SLC15A1: variants seen among roughly 807,000 people sequenced by gnomAD.
SLC15A1 encodes the protein solute carrier family 15 member 1.
In SLC15A1, 83 loss-of-function variants were observed where a neutral mutation model predicts 92.9. The observed-to-expected ratio is 0.89, with a 90% CI of 0.75 to 1.07. The LOEUF is 1.07. Among genes scored for constraint, SLC15A1 ranks in the 50% least tolerant of loss-of-function variants. The pLI is 0.00. For synonymous variants in SLC15A1, 322 were observed against 318.2 expected (o/e 1.01, Z -0.13); for missense variants, 857 against 880.1 (o/e 0.97, Z 0.33).
intron 16 of SLC15A1, among the ~76,000 whole-genome samples, chr13:98,705,362 T>C (rs1397687493): frequency 6.6e-6 from 1 of 152,078 alleles, no homozygotes; most frequent in African/African-American, 2.4e-5. Context: ...TGTGAACATT[T>C]GGGTCACGTA....
At position 98,750,933 on chromosome 13, in the gene SLC15A1, T is replaced by C. The variant is rs112180838; in HGVS notation, c.4+1662A>G. The stretch of plus-strand genomic sequence containing the variant: ...TGCCCAGCTAGTTTTTATATATTTT[T>C]AGTAGAGACGGGGGTCTTACCATGT... On this transcript the variant is annotated intron_variant, in intron 1 of 22. Coordinates refer to ENST00000376503, the MANE Select transcript of SLC15A1 (RefSeq NM_005073.4). 5.1e-3 allele frequency among the ~76,000 whole-genome samples: 775 copies of C among 152,110 alleles called. 5 individuals carry two copies. The highest frequency in any genetic ancestry group is 8.9e-3 in the Non-Finnish European group (603 of 67,992).
intron 1 of SLC15A1, among the ~76,000 whole-genome samples, chr13:98,747,139 G>A (rs959362759): frequency 6.6e-6 from 1 of 152,128 alleles, no homozygotes; most frequent in African/African-American, 2.4e-5. Flanking sequence ...AGGGACAAAG[G>A]TACAAAAGAG....
At chr13:98,717,493 T>C (rs1338903516) in intron 8 of SLC15A1, among the ~76,000 whole-genome samples, 2 of 152,194 alleles carry the variant, frequency 1.3e-5, no homozygotes, top group Non-Finnish European at 2.9e-5. Flanking sequence ...GAATGACTTG[T>C]ACAGATGAGA....
intron 1 of SLC15A1, among the ~76,000 whole-genome samples, chr13:98,741,520 G>A (rs1037132473): frequency 6.6e-6 from 1 of 152,148 alleles, no homozygotes; most frequent in African/African-American, 2.4e-5. Flanking sequence ...TGGATCACTT[G>A]AGGCCAGGAA....
At chr13:98,726,990 G>T in intron 1 of SLC15A1, 131 bp from the exon 2 acceptor site, 1 of 782,072 alleles carries the variant, frequency 1.3e-6, no homozygotes, top group Non-Finnish European at 2.2e-6. Flanking sequence ...AGCCCTCCCT[G>T]GGATCCCGGC....
chr13:98,732,335 GC>G (rs1294590751), intron 1 of SLC15A1, among the ~76,000 whole-genome samples: 1 of 152,132 alleles, frequency 6.6e-6, no homozygotes, highest in African/African-American at 2.4e-5. Flanking sequence ...CCAACACATT[GC>G]AATCACTGAA....
At chr13:98,720,399 G>A (rs977338889) in intron 7 of SLC15A1, 6 of 152,178 alleles carry the variant, frequency 3.9e-5, no homozygotes, top group Non-Finnish European at 8.8e-5. Flanking sequence ...TGAGCGAACA[G>A]GACACACGAA....
At chr13:98,714,059 G>GAAAA (rs56096468) in intron 9 of SLC15A1, among the ~76,000 whole-genome samples, 25 of 134,450 alleles carry the variant, frequency 1.9e-4, no homozygotes, top group Non-Finnish European at 3.5e-4. Flanking sequence ...TCTCAAAAAG[G>GAAAA]AAAAAAAAAA....
chr13:98,705,230 G>C (rs975075964), intron 16 of SLC15A1, among the ~76,000 whole-genome samples: 5 of 148,368 alleles, frequency 3.4e-5, no homozygotes, highest in Non-Finnish European at 7.4e-5. Flanking sequence ...GGGATCTCTG[G>C]GGCTGGGACC....
chr13:98,684,698 T>C lies in SLC15A1; in HGVS notation c.*26A>G. 1.2e-6 allele frequency: 2 copies of C among 1,606,272 alleles called. No individual in the cohort carries two copies. The highest frequency in any genetic ancestry group is 1.7e-6 in the Non-Finnish European group (2 of 1,173,890). On this transcript the variant is annotated 3_prime_UTR_variant, in exon 23 of 23. Coordinates refer to ENST00000376503, the MANE Select transcript of SLC15A1 (RefSeq NM_005073.4). ...GAGGTCAGGGCATCTGCGGGCCCAG[T>C]CCATCCTCCACTTGCCTCCTGACCT...
In SLC15A1 at chr13:98,706,174, G is replaced by T. The variant is rs764735798; in HGVS notation, c.1229C>A (p.Ser410Tyr). The T allele has an allele frequency of 2.5e-6, 4 of 1,613,264 alleles. No individual in the cohort carries two copies. The highest frequency in any genetic ancestry group is 1.7e-5 in the Admixed American group (1 of 59,952). Residue 410 changes from serine (S) to tyrosine (Y), a missense_variant, in exon 16 of 23, where the codon TCT (serine) becomes TAT (tyrosine). Transcript: ENST00000376503. The part of the protein sequence containing the change: ...LNIGNNTMNI[S>Y]LPGEMVTLGP... ...AAGTGTCACCATCTCTCCAGGAAGA[G>T]ATATATTCATGGTATTGTTTCCTAT...
chr13:98,746,993 C>A (rs980072511), intron 1 of SLC15A1, among the ~76,000 whole-genome samples: 2 of 152,176 alleles, frequency 1.3e-5, no homozygotes, highest in African/African-American at 2.4e-5. Context: ...TCATCCTAAA[C>A]CCCAAAAACC....
At chr13:98,729,342 G>A (rs141725183) in intron 1 of SLC15A1, among the ~76,000 whole-genome samples, 1 of 152,312 alleles carries the variant, frequency 6.6e-6, no homozygotes, top group Non-Finnish European at 1.5e-5. Flanking sequence ...ATGAAAAGCA[G>A]CTCAACTGGA....
chr13:98,732,271 C>G (rs1594005995), intron 1 of SLC15A1, among the ~76,000 whole-genome samples: 2 of 152,162 alleles, frequency 1.3e-5, no homozygotes, highest in African/African-American at 2.4e-5. Flanking sequence ...GAACTATGAT[C>G]AGAGCCAAAC....
intron 16 of SLC15A1, 37 bp downstream of exon 16, chr13:98,706,097 A>C: frequency 6.3e-7 from 1 of 1,592,602 alleles, no homozygotes; most frequent in Non-Finnish European, 8.5e-7. Flanking sequence ...ACAGGGTCAG[A>C]AGATGAAAAA....
chr13:98,732,286 C>T (rs9584922), intron 1 of SLC15A1, among the ~76,000 whole-genome samples: 6,617 of 152,240 alleles, frequency 0.043, 166 homozygotes, highest in African/African-American at 0.056. Flanking sequence ...CCAAACCCAG[C>T]TTAGAATCTG....
chr13:98,750,797 G>A (rs899144353), intron 1 of SLC15A1, among the ~76,000 whole-genome samples: 4 of 151,438 alleles, frequency 2.6e-5, no homozygotes, highest in African/African-American at 9.7e-5. Context: ...TGTCGCGGAG[G>A]CTGGAGTGCG....
At chr13:98,693,181 T>A (rs1405977706) in intron 18 of SLC15A1, among the ~76,000 whole-genome samples, 2 of 124,490 alleles carry the variant, frequency 1.6e-5, no homozygotes, top group Non-Finnish European at 3.2e-5. Flanking sequence ...CACTGCAACC[T>A]CCGCCTCCCG....
At position 98,724,080 on chromosome 13, in the gene SLC15A1, T is replaced by A. The variant is rs768243824; in HGVS notation, c.246-49A>T. 5 of 1,607,176 alleles carry A rather than the reference T, an allele frequency of 3.1e-6. No individual in the cohort carries two copies. In the South Asian group the frequency reaches 5.5e-5, roughly 18 times the overall value. ...ATCCGAGTTAATTGCACAATAGCCA[T>A]CCACTTTTGACTCCACCACAAAAGA... On this transcript the variant is annotated intron_variant, in intron 4 of 22. Coordinates refer to ENST00000376503, the MANE Select transcript of SLC15A1 (RefSeq NM_005073.4).
Sources: allele counts gnomAD v4.1 joint callset (sites outside exome capture counted in the v4.1 genomes callset), GRCh38; gene constraint gnomAD v4.1.1; transcripts MANE v1.5; gene names NCBI Gene and HGNC (gene_info 2026-07-23, HGNC 2026-07-21).